Variants in BLNK observed in about 807,000 individuals in gnomAD.
BLNK encodes B-cell linker protein.
A neutral mutation model predicts 73.5 loss-of-function variants in BLNK; 29 were observed. The ratio of observed to expected loss-of-function variants is 0.39; its 90% confidence interval spans 0.29 to 0.54. The LOEUF (loss-of-function observed/expected upper bound fraction) is 0.54. Among genes scored for constraint, BLNK ranks in the 20% least tolerant of loss-of-function variants. The probability of loss-of-function intolerance (pLI) is 0.61; values close to 1 mark genes in which losing one functional copy is unlikely to be tolerated. For synonymous variants in BLNK, 176 were observed against 200.8 expected, an observed-to-expected ratio of 0.88 and a Z score of 1.04; for missense variants, 460 against 562.8, an observed-to-expected ratio of 0.82 and a Z score of 1.85.
intron 9 of BLNK, 47 bp downstream of exon 9, chr10:96,209,791 C>T: frequency 6.2e-7 from 1 of 1,609,770 alleles, no homozygotes; most frequent in Non-Finnish European, 8.5e-7. Flanking sequence ...GTATCACCAT[C>T]CTCACTCCCC....
chr10:96,213,999 G>T lies in BLNK; in HGVS notation c.676+1322C>A, dbSNP rs189162615. Among the ~76,000 whole-genome samples, 405 of 152,304 alleles carry T rather than the reference G, an allele frequency of 2.7e-3. 8 individuals carry two copies. The highest frequency in any genetic ancestry group is 1.7e-3 in the East Asian group (9 of 5,188). On this transcript the variant is annotated intron_variant, in intron 8 of 16. Transcript: ENST00000224337. The stretch of plus-strand genomic sequence containing the variant: ...GTGAAGAAAGTGAATAATTTCACAA[G>T]AAATGAGTCCAGGAAAAGATTTTTA...
chr10:96,242,942 G>C (rs1449452904), intron 2 of BLNK, among the ~76,000 whole-genome samples, 158 bp from the exon 3 acceptor site: 1 of 152,206 alleles, frequency 6.6e-6, no homozygotes, highest in Non-Finnish European at 1.5e-5. Flanking sequence ...TGTAAATGTA[G>C]TGAAGCCATT....
intron 11 of BLNK, among the ~76,000 whole-genome samples, chr10:96,205,477 G>A (rs782364719): frequency 1.4e-4 from 22 of 152,158 alleles, no homozygotes; most frequent in Non-Finnish European, 3.2e-4. Context: ...CCATTCAGTG[G>A]TGCACTAAAG....
chr10:96,256,486 C>T (rs1030801615), intron 1 of BLNK, among the ~76,000 whole-genome samples: 4 of 152,136 alleles, frequency 2.6e-5, no homozygotes, highest in African/African-American at 9.6e-5. Flanking sequence ...ATGTAATTGA[C>T]TCTGGGTTTC....
chr10:96,204,205 G>T, intron 12 of BLNK, 117 bp from the exon 13 acceptor site: 1 of 1,129,208 alleles, frequency 8.9e-7, no homozygotes, highest in Non-Finnish European at 1.3e-6. Flanking sequence ...AATACAAATG[G>T]CCAATAAAAT....
chr10:96,191,518 A>C lies in BLNK; in HGVS notation c.*455T>G, dbSNP rs587700029. Among the ~76,000 whole-genome samples the C allele has an allele frequency of 3.5e-4, 54 of 152,164 alleles. No homozygotes were observed. Among genetic ancestry groups the C allele is most frequent in the African/African-American group, 8.9e-4 (37 of 41,534 alleles). On this transcript the variant is annotated 3_prime_UTR_variant, in exon 17 of 17. Transcript: ENST00000224337. ...TTGCCTATACTTACAGATATCATAC[A>C]TTACCTTTAATACCTTATTTTCTAC...
At position 96,242,741 on chromosome 10, in the gene BLNK, C is replaced by T. The variant is rs782259412; in HGVS notation, c.157G>A (p.Ala53Thr). The T allele has an allele frequency of 1.4e-5, 22 of 1,613,720 alleles. No homozygotes were observed. The highest frequency in any genetic ancestry group is 4.0e-5 in the African/African-American group (3 of 74,928). ...TATCTGAGAAATACCTTACCTGAAG[C>T]GTAGTCCCTTCGAGGAACACTTGGA... The part of the protein sequence containing the change: ...APPSVPRRDY[A>T]SESPADEEEQ... The change falls in exon 3 of 17, where the codon GCT becomes ACT. Residue 53 changes from alanine to threonine, a missense_variant. Around this residue, in one of 3 missense-constraint regions of BLNK, gnomAD observed 139 missense variants for 187.3 expected, o/e 0.74. Transcript: ENST00000224337.
At position 96,189,694 on chromosome 10, in the gene BLNK, T is replaced by C. The variant is rs2083298481; in HGVS notation, c.*2279A>G. 1.0e-5 allele frequency: 7 copies of C among 681,920 alleles called. No individual in the cohort carries two copies. The highest frequency in any genetic ancestry group is 1.9e-5 in the Non-Finnish European group (7 of 369,284). The allele number at this position is 681,920 out of a possible 1,614,324, so 42.2% of individuals were successfully genotyped here. On this transcript the variant is annotated 3_prime_UTR_variant, in exon 17 of 17. Transcript: ENST00000224337. Reference sequence around the variant, plus strand: ...TGCTTTTTCTTCAGTTTCCTCATCATCAAAATCATCATCATCATCATCATC... The same window carrying C: ...TGCTTTTTCTTCAGTTTCCTCATCACCAAAATCATCATCATCATCATCATC...
At chr10:96,237,455 C>T (rs1254992288) in intron 3 of BLNK, among the ~76,000 whole-genome samples, 4 of 152,150 alleles carry the variant, frequency 2.6e-5, no homozygotes, top group African/African-American at 9.7e-5. Context: ...GTGGACCTCC[C>T]AGGGATGCCA....
At chr10:96,202,228 AG>A (rs2083662497) in intron 13 of BLNK, among the ~76,000 whole-genome samples, 1 of 152,042 alleles carries the variant, frequency 6.6e-6, no homozygotes, top group Non-Finnish European at 1.5e-5. Flanking sequence ...AAGCTTTTGG[AG>A]GGTTTTGAAC....
intron 11 of BLNK, chr10:96,204,865 G>A (rs2083754423): frequency 1.1e-5 from 5 of 455,242 alleles, no homozygotes; most frequent in Admixed American, 3.3e-5. Context: ...CACTGGCAAT[G>A]TACATAGAGA....
chr10:96,266,977 T>A (rs1844032657), intron 1 of BLNK, among the ~76,000 whole-genome samples: 1 of 152,216 alleles, frequency 6.6e-6, no homozygotes, highest in African/African-American at 2.4e-5. Flanking sequence ...TCTAGCTTCG[T>A]TTGGCAGCTG....
At chr10:96,233,751 G>T (rs782505131) in intron 3 of BLNK, among the ~76,000 whole-genome samples, 1 of 152,184 alleles carries the variant, frequency 6.6e-6, no homozygotes, top group Non-Finnish European at 1.5e-5. Flanking sequence ...CATGTACTTC[G>T]TTCTGTCCTG....
At position 96,190,289 on chromosome 10, in the gene BLNK, G is replaced by A; in HGVS notation, c.*1684C>T. On this transcript the variant is annotated 3_prime_UTR_variant, in exon 17 of 17. Transcript: ENST00000224337. The stretch of plus-strand genomic sequence containing the variant: ...TAAACGACCACTGCTCAAGAGAACA[G>A]CCATACAGGATGGAATCACGCCAGT... The A allele has an allele frequency of 1.5e-6, 1 of 672,714 alleles. No homozygotes were observed. Among genetic ancestry groups the A allele is most frequent in the Admixed American group, 2.0e-5 (1 of 50,832 alleles). The allele number at this position is 672,714 out of a possible 1,614,324, so 41.7% of individuals were successfully genotyped here.
At chr10:96,210,863 GTTTTTTTTTTT>G (rs377260098) in intron 8 of BLNK, among the ~76,000 whole-genome samples, 2,039 of 121,974 alleles carry the variant, frequency 0.017, 66 homozygotes, top group African/African-American at 0.064. Context: ...CCACAATTCC[GTTTTTTTTTTT>G]TTTTTTTTTT....
Position 96,215,384 on chromosome 10 carries a change from T to A in BLNK, c.613A>T (p.Met205Leu). 1 of 1,612,050 alleles carries A rather than the reference T, an allele frequency of 6.2e-7. No homozygotes were observed. Among genetic ancestry groups the A allele is most frequent in the South Asian group, 1.1e-5 (1 of 90,990 alleles). ...SSSPPPEKAP[M>L]VNRSTKPNSS... Reference sequence around the variant, plus strand: ...TTTGGCTTGGTTGATCTATTCACCATGGGAGCTTAAACACAGAAATGTGTG... The same window carrying A: ...TTTGGCTTGGTTGATCTATTCACCAAGGGAGCTTAAACACAGAAATGTGTG... The change falls in exon 8 of 17, where the codon ATG becomes TTG. Residue 205 changes from methionine (M) to leucine (L), a missense_variant. By Grantham distance (15) the Met-to-Leu change is conservative. Coordinates refer to ENST00000224337, the MANE Select transcript of BLNK (RefSeq NM_013314.4).
At chr10:96,250,908 G>A (rs1388764412) in intron 1 of BLNK, among the ~76,000 whole-genome samples, 5 of 152,100 alleles carry the variant, frequency 3.3e-5, no homozygotes, top group African/African-American at 1.2e-4. Context: ...ATGCATAATA[G>A]CAGTAGATAT....
At chr10:96,244,338 A>G (rs1842971370) in intron 2 of BLNK, among the ~76,000 whole-genome samples, 1 of 152,194 alleles carries the variant, frequency 6.6e-6, no homozygotes, top group Non-Finnish European at 1.5e-5. Context: ...ATCCATTATT[A>G]CTATCATTTC....
intron 3 of BLNK, among the ~76,000 whole-genome samples, chr10:96,240,981 G>A (rs1406484025): frequency 6.6e-6 from 1 of 152,214 alleles, no homozygotes; most frequent in Middle Eastern, 3.2e-3. Flanking sequence ...GCCCAGAACA[G>A]GGTCCCTCTT....
Sources: gnomAD v4.1 joint callset for allele counts (sites outside exome capture counted in the v4.1 genomes callset) on GRCh38, gnomAD v4.1.1 for gene constraint, gnomAD v4.1.1 regional missense constraint, MANE v1.5 for transcripts, NCBI Gene and HGNC (gene_info 2026-07-23, HGNC 2026-07-21) for gene names.